ATP6V1E1: variants seen among roughly 807,000 people sequenced by gnomAD.
ATP6V1E1 encodes ATPase H+ transporting V1 subunit E1.
In ATP6V1E1, 21 loss-of-function variants were observed where a neutral mutation model predicts 35.2. That is an observed-to-expected ratio of 0.60 (90% confidence interval 0.42 to 0.86). The LOEUF (loss-of-function observed/expected upper bound fraction) is 0.86. Ranked by LOEUF, ATP6V1E1 falls within the 40% of genes least tolerant of loss-of-function variation. The probability of loss-of-function intolerance (pLI) is 0.00; values close to 1 mark genes in which losing one functional copy is unlikely to be tolerated. For missense variants in ATP6V1E1, 183 were observed against 272.6 expected, an observed-to-expected ratio of 0.67 and a Z score of 2.32; for synonymous variants, 83 against 87.8, an observed-to-expected ratio of 0.95 and a Z score of 0.30.
chr22:17,610,015 C>G (rs1345600904), intron 4 of ATP6V1E1, among the ~76,000 whole-genome samples: 2 of 152,062 alleles, frequency 1.3e-5, no homozygotes, highest in African/African-American at 4.8e-5. Flanking sequence ...CCTGTTATCC[C>G]AGCTACATAG....
rs569690480 is a variant in ATP6V1E1 at position 17,613,687 on chromosome 22, G to A, written c.100-367C>T. 2.0e-5 allele frequency among the ~76,000 whole-genome samples: 3 copies of A among 152,362 alleles called. No individual in the cohort carries two copies. The South Asian group carries it at 6.2e-4, about 32-fold the overall frequency. On this transcript the variant is annotated intron_variant, in intron 2 of 8. Transcript: ENST00000253413. ...GAACTTGAAAGTTTAGAAGATCCTG[G>A]CCGGGTGCGGTGGCTCACGCCTATA...
chr22:17,628,602 C>T lies in ATP6V1E1; in HGVS notation c.33+1G>A. On this transcript the variant is annotated splice_donor_variant, in intron 1 of 8. Coordinates refer to ENST00000253413, the MANE Select transcript of ATP6V1E1 (RefSeq NM_001696.4). LOFTEE classifies it high-confidence loss of function. ...TCGTAAGACCCAACCAAGCCCCTCA[C>T]CTGCTTTTGCACGTCAGCATCGCTG... is the stretch of plus-strand genomic sequence containing the variant. 1.2e-6 allele frequency: 2 copies of T among 1,614,184 alleles called. No homozygotes were observed. Among genetic ancestry groups the T allele is most frequent in the Non-Finnish European group, 1.7e-6 (2 of 1,180,052 alleles).
At chr22:17,626,043 A>C (rs1323096964) in intron 1 of ATP6V1E1, among the ~76,000 whole-genome samples, 1 of 152,034 alleles carries the variant, frequency 6.6e-6, no homozygotes, top group Non-Finnish European at 1.5e-5. Context: ...GCGGTAGCTC[A>C]TGCCTGTAAT....
rs749946288 is a variant in ATP6V1E1 at position 17,613,266 on chromosome 22, T to A, written c.154A>T (p.Lys52Ter). ...KGRLVQTQRL[K>*]IMEYYEKKEK... ...TTCTTCTCATAATATTCCATAATCT[T>A]TAGTCTTTGGGTTTGCACAAGCCGA... The change falls in exon 3 of 9, where the codon AAG becomes TAG. Residue 52 changes from lysine (K) to a stop codon, truncating the protein, a stop_gained. Coordinates refer to ENST00000253413, the MANE Select transcript of ATP6V1E1 (RefSeq NM_001696.4). LOFTEE classifies it high-confidence loss of function. 1.2e-6 allele frequency: 2 copies of A among 1,613,232 alleles called. No individual in the cohort carries two copies. The highest frequency in any genetic ancestry group is 1.7e-6 in the Non-Finnish European group (2 of 1,179,868).
chr22:17,616,530 T>C (rs1049004253), intron 2 of ATP6V1E1, among the ~76,000 whole-genome samples: 69 of 151,590 alleles, frequency 4.6e-4, no homozygotes, highest in South Asian at 1.7e-3. Context: ...ATACAAAAAA[T>C]TAGCTGGGCG....
chr22:17,614,243 G>A (rs779286905), intron 2 of ATP6V1E1, among the ~76,000 whole-genome samples: 1 of 151,008 alleles, frequency 6.6e-6, no homozygotes, highest in Non-Finnish European at 1.5e-5. Flanking sequence ...CCAGCTAGTC[G>A]GAAGGCTGAG....
chr22:17,595,724 G>C (rs1175023323), intron 7 of ATP6V1E1, among the ~76,000 whole-genome samples: 1 of 152,056 alleles, frequency 6.6e-6, no homozygotes, highest in Non-Finnish European at 1.5e-5. Context: ...GAGAGACTGA[G>C]GCAGGAGAAT....
rs1449321655 is a variant in ATP6V1E1 at position 17,598,274 on chromosome 22, C to T, written c.450G>A (p.Lys150=). Residue 150 remains lysine, a synonymous_variant, in exon 7 of 9, where the codon AAG becomes AAA. Coordinates refer to ENST00000253413, the MANE Select transcript of ATP6V1E1 (RefSeq NM_001696.4). ...TGGCAATTTTGTACATAGGAATTGC[C>T]TTCTGCACTGCAGCCTGGAAGTATA... ...DFPLVKAAVQ[K]AIPMYKIATK... 1.2e-6 allele frequency: 2 copies of T among 1,613,716 alleles called. No individual in the cohort carries two copies. Among genetic ancestry groups the T allele is most frequent in the South Asian group, 2.2e-5 (2 of 91,078 alleles).
chr22:17,617,623 T>A (rs2057853330), intron 2 of ATP6V1E1, among the ~76,000 whole-genome samples: 1 of 151,922 alleles, frequency 6.6e-6, no homozygotes, highest in Non-Finnish European at 1.5e-5. Flanking sequence ...AGGCAAGCTT[T>A]AAAAAATGCG....
intron 1 of ATP6V1E1, among the ~76,000 whole-genome samples, chr22:17,619,997 T>C (rs941006958): frequency 3.3e-5 from 5 of 152,180 alleles, no homozygotes; most frequent in Admixed American, 6.6e-5. Flanking sequence ...TCAACTTTAC[T>C]ACCTTTCTCT....
Position 17,612,854 on chromosome 22 carries a change from T to C in ATP6V1E1, c.234A>G (p.Gln78=), listed in dbSNP as rs752482272. ...TTGCTCTGAGGACTTTGAGTCTCGC[T>C]TGATTCATCAAATTGGACATCTGAC... is the stretch of plus-strand genomic sequence containing the variant. ...KKIQMSNLMN[Q]ARLKVLRARD... The change falls in exon 4 of 9, where the codon CAA becomes CAG. Residue 78 remains glutamine, a synonymous_variant. Coordinates refer to ENST00000253413, the MANE Select transcript of ATP6V1E1 (RefSeq NM_001696.4). 5 of 1,610,638 alleles carry C rather than the reference T, an allele frequency of 3.1e-6. No individual in the cohort carries two copies. The South Asian group carries it at 4.4e-5, about 14-fold the overall frequency.
intron 4 of ATP6V1E1, among the ~76,000 whole-genome samples, chr22:17,604,175 A>G (rs1212875302): frequency 6.6e-6 from 1 of 151,128 alleles, no homozygotes; most frequent in East Asian, 1.9e-4. Flanking sequence ...AATTATGATC[A>G]ATAATTACCA....
chr22:17,619,096 A>T, intron 2 of ATP6V1E1: 1 of 456,500 alleles, frequency 2.2e-6, no homozygotes, highest in Non-Finnish European at 4.4e-6. Context: ...GATTGAGACC[A>T]TCCTGGCCAA....
chr22:17,626,493 G>A (rs1023161552), intron 1 of ATP6V1E1, among the ~76,000 whole-genome samples: 2 of 151,548 alleles, frequency 1.3e-5, no homozygotes, highest in African/African-American at 4.8e-5. Flanking sequence ...TCCCACATCA[G>A]CCTCCCTAAG....
intron 8 of ATP6V1E1, among the ~76,000 whole-genome samples, chr22:17,593,265 C>T (rs1308826207): frequency 6.6e-6 from 1 of 150,854 alleles, no homozygotes; most frequent in Non-Finnish European, 1.5e-5. Flanking sequence ...ACAAAAGGGA[C>T]ACATTAAAAA....
chr22:17,616,232 C>T (rs1341606493), intron 2 of ATP6V1E1, among the ~76,000 whole-genome samples: 1 of 152,156 alleles, frequency 6.6e-6, no homozygotes, highest in African/African-American at 2.4e-5. Flanking sequence ...CCTGTAATCC[C>T]AGCTACTCAG....
At chr22:17,604,038 A>C (rs1302400892) in intron 4 of ATP6V1E1, among the ~76,000 whole-genome samples, 2 of 152,240 alleles carry the variant, frequency 1.3e-5, no homozygotes, top group East Asian at 3.8e-4. Flanking sequence ...GAGTTTTAAA[A>C]GGCCAATTCG....
intron 1 of ATP6V1E1, among the ~76,000 whole-genome samples, chr22:17,620,799 C>T (rs1488420172): frequency 6.6e-6 from 1 of 152,100 alleles, no homozygotes; most frequent in Non-Finnish European, 1.5e-5. Flanking sequence ...CATGGTGGCT[C>T]ACGCCTGTAA....
chr22:17,616,845 G>A (rs1425304300), intron 2 of ATP6V1E1, among the ~76,000 whole-genome samples: 1 of 66,852 alleles, frequency 1.5e-5, no homozygotes, highest in African/African-American at 6.7e-5. Flanking sequence ...TCAGGAGATC[G>A]AGACCATCCC....
Sources: allele counts gnomAD v4.1 joint callset (sites outside exome capture counted in the v4.1 genomes callset), GRCh38; gene constraint gnomAD v4.1.1; transcripts MANE v1.5; gene names NCBI Gene and HGNC (gene_info 2026-07-23, HGNC 2026-07-21).